BNC2: variants seen among roughly 807,000 people sequenced by gnomAD.
BNC2 encodes zinc finger protein basonuclin-2.
Under a neutral mutation model 76.3 loss-of-function variants are expected in BNC2, and 20 were observed. The observed-to-expected ratio is 0.26, with a 90% confidence interval of 0.18 to 0.38. The LOEUF is 0.38. Ranked by LOEUF, BNC2 falls within the 10% of genes least tolerant of loss-of-function variation. The pLI, the probability that BNC2 is intolerant of heterozygous loss-of-function variation, is 1.00. For synonymous variants in BNC2, 582 were observed against 514.8 expected (o/e 1.13, Z -1.77); for missense variants, 1,382 against 1,399.8 (o/e 0.99, Z 0.20).
intron 1 of BNC2, among the ~76,000 whole-genome samples, chr9:16,750,733 A>G (rs1825167072): frequency 1.3e-5 from 2 of 152,260 alleles, no homozygotes; most frequent in Non-Finnish European, 2.9e-5. Flanking sequence ...TTAATGAACG[A>G]TTAAGCCTCC....
At chr9:16,578,633 A>T (rs1427162047) in intron 4 of BNC2, among the ~76,000 whole-genome samples, 1 of 150,172 alleles carries the variant, frequency 6.7e-6, no homozygotes, top group Non-Finnish European at 1.5e-5. Context: ...TCTAGTGTGG[A>T]GGCAAAGGGT....
Position 16,736,025 on chromosome 9 carries a change from G to C in BNC2, c.129+2335C>G, listed in dbSNP as rs543825718. On this transcript the variant is annotated intron_variant, in intron 2 of 6. Coordinates refer to ENST00000380672, the MANE Select transcript of BNC2 (RefSeq NM_017637.6). ...AAGGCGGGTGGATCACTTGAGGACA[G>C]GAGTTTAAGACCAGTATGGCCAACA... Among the ~76,000 whole-genome samples, 327 of 151,738 alleles carry C rather than the reference G, an allele frequency of 2.2e-3. 2 individuals carry two copies. Among genetic ancestry groups the C allele is most frequent in the Non-Finnish European group, 3.2e-3 (214 of 67,914 alleles).
At chr9:16,740,662 A>T (rs1299495173) in intron 1 of BNC2, among the ~76,000 whole-genome samples, 1 of 152,174 alleles carries the variant, frequency 6.6e-6, no homozygotes, top group Non-Finnish European at 1.5e-5. Context: ...AGGAGCTCAG[A>T]CAGGTTGTGT....
intron 4 of BNC2, among the ~76,000 whole-genome samples, chr9:16,555,332 T>C (rs1272467293): frequency 2.0e-5 from 3 of 152,068 alleles, no homozygotes; most frequent in Non-Finnish European, 4.4e-5. Flanking sequence ...CAAGGTTGGT[T>C]GTTTTAAAGA....
chr9:16,777,788 A>G (rs1463596750), intron 1 of BNC2, among the ~76,000 whole-genome samples: 1 of 152,144 alleles, frequency 6.6e-6, no homozygotes, highest in East Asian at 1.9e-4. Flanking sequence ...ACTGTTTATA[A>G]TAACAAAAAA....
intron 5 of BNC2, among the ~76,000 whole-genome samples, chr9:16,464,814 T>C (rs1587059940): frequency 6.6e-6 from 1 of 152,214 alleles, no homozygotes. Flanking sequence ...TTTCTACTTA[T>C]TAATCCTGAA....
chr9:16,626,450 A>G (rs1442872371), intron 3 of BNC2: 3 of 152,226 alleles, frequency 2.0e-5, no homozygotes, highest in Non-Finnish European at 2.9e-5. Flanking sequence ...GTGCAGGCAG[A>G]CAGAGCAAAA....
intron 3 of BNC2, among the ~76,000 whole-genome samples, chr9:16,649,805 T>C (rs947530073): frequency 1.3e-4 from 20 of 152,184 alleles, no homozygotes; most frequent in African/African-American, 4.6e-4. Flanking sequence ...ATAAATAATA[T>C]AGCACAAACT....
At chr9:16,583,109 A>G (rs1416648484) in intron 3 of BNC2, 24 bp from the exon 4 acceptor site, 1 of 1,581,100 alleles carries the variant, frequency 6.3e-7, no homozygotes, top group Non-Finnish European at 8.7e-7. Flanking sequence ...GAGGAAAAAA[A>G]GGTCAGCATC....
rs1193991924 is a variant in BNC2 at position 16,571,068 on chromosome 9, C to G, written c.433+11915G>C. On this transcript the variant is annotated intron_variant, in intron 4 of 6. Coordinates refer to ENST00000380672, the MANE Select transcript of BNC2 (RefSeq NM_017637.6). ...CAAATTGTAAAATGTAGCAATTTTT[C>G]CTTGAGATATTTTACTGTATTTAAA... Among the ~76,000 whole-genome samples, 6 of 152,164 alleles carry G rather than the reference C, an allele frequency of 3.9e-5. No individual in the cohort carries two copies. In the East Asian group the frequency reaches 9.7e-4, roughly 25 times the overall value.
rs528848589 is a variant in BNC2 at position 16,711,973 on chromosome 9, G to A, written c.330+15824C>T. ...AGAAGAGCATGTGGCAAATCATTTAGGAAAGTAATTAGTACAAAATACATG... is the reference window on the plus strand; with the variant it reads ...AGAAGAGCATGTGGCAAATCATTTAAGAAAGTAATTAGTACAAAATACATG... On this transcript the variant is annotated intron_variant, in intron 3 of 6. Transcript: ENST00000380672. Among the ~76,000 whole-genome samples, 89 of 152,282 alleles carry A rather than the reference G, an allele frequency of 5.8e-4. 1 individual carries two copies. The South Asian group carries it at 0.017, about 29-fold the overall frequency.
intron 1 of BNC2, among the ~76,000 whole-genome samples, chr9:16,850,620 A>G (rs143276531): frequency 1.3e-5 from 2 of 152,128 alleles, no homozygotes; most frequent in Admixed American, 1.3e-4. Flanking sequence ...CTGTAATTCC[A>G]CCACTGTGGA....
chr9:16,767,487 C>T (rs1053427499), intron 1 of BNC2, among the ~76,000 whole-genome samples: 2 of 152,066 alleles, frequency 1.3e-5, no homozygotes, highest in Non-Finnish European at 2.9e-5. Context: ...TTTTGTAGAG[C>T]TGAGCCTTTC....
chr9:16,608,426 C>T (rs1258041098), intron 3 of BNC2, among the ~76,000 whole-genome samples: 2 of 151,758 alleles, frequency 1.3e-5, no homozygotes, highest in African/African-American at 2.4e-5. Flanking sequence ...AAACTCCCTG[C>T]TCCTTAAAAC....
intron 4 of BNC2, among the ~76,000 whole-genome samples, chr9:16,565,894 A>G (rs1382404901): frequency 1.3e-5 from 2 of 152,088 alleles, no homozygotes; most frequent in South Asian, 2.1e-4. Flanking sequence ...CATAATTTCA[A>G]TGGGGTGGGA....
chr9:16,500,279 T>C (rs1822490574), intron 5 of BNC2, among the ~76,000 whole-genome samples: 1 of 151,202 alleles, frequency 6.6e-6, no homozygotes, highest in South Asian at 2.1e-4. Context: ...TTAGTAACCT[T>C]GCCTGTCCCC....
At position 16,518,858 on chromosome 9, in the gene BNC2, C is replaced by CA. The variant is rs532108123; in HGVS notation, c.669+33671_669+33672insT. On this transcript the variant is annotated intron_variant, in intron 5 of 6. Coordinates refer to ENST00000380672, the MANE Select transcript of BNC2 (RefSeq NM_017637.6). ...TCAGGCAATCCACCTGCCTCGGCCT[C>CA]CCCAAGTGCAGGGATTACAGGCGTG... Among the ~76,000 whole-genome samples the CA allele has an allele frequency of 3.4e-4, 52 of 152,306 alleles. 1 individual carries two copies. In the South Asian group the frequency reaches 1.0e-2, roughly 29 times the overall value.
At chr9:16,830,610 A>C (rs577215440) in intron 1 of BNC2, among the ~76,000 whole-genome samples, 14 of 152,216 alleles carry the variant, frequency 9.2e-5, no homozygotes, top group Non-Finnish European at 1.6e-4. Context: ...TGGATACAGA[A>C]GGCCAACTGT....
chr9:16,525,105 G>C (rs957321410), intron 5 of BNC2, among the ~76,000 whole-genome samples: 1 of 151,512 alleles, frequency 6.6e-6, no homozygotes, highest in African/African-American at 2.4e-5. Flanking sequence ...GAAATTCACT[G>C]AATACAATTA....
Sources: gnomAD v4.1 joint callset for allele counts (sites outside exome capture counted in the v4.1 genomes callset) on GRCh38, gnomAD v4.1.1 for gene constraint, MANE v1.5 for transcripts, NCBI Gene and HGNC (gene_info 2026-07-23, HGNC 2026-07-21) for gene names.